Variants in CNTNAP5 observed in about 807,000 individuals in gnomAD.
The protein encoded by CNTNAP5 is contactin-associated protein-like 5.
In CNTNAP5, 72 loss-of-function variants were observed where a neutral mutation model predicts 150.2. The observed-to-expected ratio is 0.48, with a 90% confidence interval of 0.40 to 0.58. The LOEUF is 0.58. Among genes scored for constraint, CNTNAP5 ranks in the 20% least tolerant of loss-of-function variants. The probability of loss-of-function intolerance (pLI) is 0.00; values close to 1 mark genes in which losing one functional copy is unlikely to be tolerated. For missense variants in CNTNAP5, 1,636 were observed against 1,626.2 expected (o/e 1.01, Z -0.10); for synonymous variants, 672 against 619.8 (o/e 1.08, Z -1.25).
intron 19 of CNTNAP5, among the ~76,000 whole-genome samples, chr2:124,802,075 G>A (rs893655764): frequency 2.6e-5 from 4 of 152,142 alleles, no homozygotes; most frequent in African/African-American, 9.7e-5. Flanking sequence ...ACTCTTACAG[G>A]GAGCCCATTT....
At chr2:124,483,053 T>C (rs192305511) in intron 7 of CNTNAP5, among the ~76,000 whole-genome samples, 90 of 152,310 alleles carry the variant, frequency 5.9e-4, no homozygotes, top group African/African-American at 2.2e-3. Context: ...AGCCTTTGCA[T>C]GTTGTGTTTC....
chr2:124,905,051 AAAAAG>A (rs1678503677), intron 22 of CNTNAP5, among the ~76,000 whole-genome samples: 1 of 148,450 alleles, frequency 6.7e-6, no homozygotes, highest in African/African-American at 2.4e-5. Context: ...AAAAAAAAAA[AAAAAG>A]AAAGAAAGAA....
intron 22 of CNTNAP5, among the ~76,000 whole-genome samples, chr2:124,905,116 G>GT (rs144751050): frequency 0.056 from 6,018 of 107,590 alleles, 174 homozygotes; most frequent in African/African-American, 0.086. Context: ...GTTTTTTTTT[G>GT]TTTTTTTTTG....
chr2:124,301,845 G>A (rs920153007), intron 3 of CNTNAP5, among the ~76,000 whole-genome samples: 4 of 152,180 alleles, frequency 2.6e-5, no homozygotes, highest in African/African-American at 9.7e-5. Context: ...ACGGGAAAAT[G>A]TCACTGAAGT....
intron 11 of CNTNAP5, among the ~76,000 whole-genome samples, chr2:124,571,263 G>A (rs1240052780): frequency 6.6e-6 from 1 of 152,112 alleles, no homozygotes; most frequent in Non-Finnish European, 1.5e-5. Context: ...GGGAATATCA[G>A]AATCAGTGGG....
At chr2:124,839,744 C>G (rs1054640037) in intron 19 of CNTNAP5, among the ~76,000 whole-genome samples, 1 of 152,086 alleles carries the variant, frequency 6.6e-6, no homozygotes, top group Non-Finnish European at 1.5e-5. Context: ...TCTGACCCAG[C>G]CCGGCTGTAC....
rs184930899 is a variant in CNTNAP5 at position 124,262,992 on chromosome 2, T to C, written c.381+20599T>C. On this transcript the variant is annotated intron_variant, in intron 3 of 23. Coordinates refer to ENST00000682447, the MANE Select transcript of CNTNAP5 (RefSeq NM_001367498.1). ...AAGGACATGAACTCATCATTTTTTA[T>C]GGCTACATAGTATTCCATGGTGTAT... 1.7e-3 allele frequency among the ~76,000 whole-genome samples: 261 copies of C among 152,270 alleles called. 1 individual carries two copies. The highest frequency in any genetic ancestry group is 5.9e-3 in the African/African-American group (247 of 41,550).
chr2:124,120,180 C>A lies in CNTNAP5; in HGVS notation c.82+94448C>A, dbSNP rs117143524. On this transcript the variant is annotated intron_variant, in intron 1 of 23. Transcript: ENST00000682447. Reference sequence around the variant, plus strand: ...TACGGTATAGGGCTGGAAGTTATGTCTTGTGATAACCATGACTGTAGGTTA... The same window carrying A: ...TACGGTATAGGGCTGGAAGTTATGTATTGTGATAACCATGACTGTAGGTTA... Among the ~76,000 whole-genome samples, 182 of 152,260 alleles carry A rather than the reference C, an allele frequency of 1.2e-3. 4 individuals carry two copies. The East Asian group carries it at 0.03, about 25-fold the overall frequency.
chr2:124,637,381 T>C (rs1238761419), intron 12 of CNTNAP5, among the ~76,000 whole-genome samples: 1 of 152,208 alleles, frequency 6.6e-6, no homozygotes, highest in African/African-American at 2.4e-5. Context: ...TTCTGATTAT[T>C]TAATCAGTGT....
rs1558893996 is a variant in CNTNAP5 at position 124,419,944 on chromosome 2, CTT to C, written c.529+2356_529+2357del. On this transcript the variant is annotated intron_variant, in intron 4 of 23. Transcript: ENST00000682447. ...TCTTTCTTTCTTTCTTTCTTTCTTT[CTT>C]TCTTTCTTTCCTTTTCTCTCTCTCT... 5.3e-3 allele frequency among the ~76,000 whole-genome samples: 623 copies of C among 117,030 alleles called. 8 individuals carry two copies. The highest frequency in any genetic ancestry group is 0.02 in the African/African-American group (580 of 28,414). 76.8% of individuals were successfully genotyped at this position (117,030 alleles called of 152,430 possible).
intron 19 of CNTNAP5, among the ~76,000 whole-genome samples, chr2:124,802,604 T>G (rs916281828): frequency 3.9e-5 from 6 of 152,150 alleles, no homozygotes; most frequent in African/African-American, 1.4e-4. Flanking sequence ...AGAAAGGGTC[T>G]TGAAGACAGG....
chr2:124,808,567 G>A (rs1218603173), intron 19 of CNTNAP5, among the ~76,000 whole-genome samples: 1 of 148,468 alleles, frequency 6.7e-6, no homozygotes, highest in Non-Finnish European at 1.5e-5. Flanking sequence ...CAGCCTGGGT[G>A]ACAGAGAGAG....
chr2:124,665,894 A>G (rs1439599604), intron 13 of CNTNAP5, among the ~76,000 whole-genome samples: 1 of 151,900 alleles, frequency 6.6e-6, no homozygotes, highest in Non-Finnish European at 1.5e-5. Flanking sequence ...TCAAAAAAAA[A>G]AAAAATTATA....
rs1208537385 is a variant in CNTNAP5, at chr2:124,920,449, G to A, written c.*6161G>A. 1.3e-5 allele frequency among the ~76,000 whole-genome samples: 2 copies of A among 152,076 alleles called. No individual in the cohort carries two copies. The highest frequency in any genetic ancestry group is 2.9e-5 in the Non-Finnish European group (2 of 67,994). On this transcript the variant is annotated 3_prime_UTR_variant, in exon 24 of 24. Coordinates refer to ENST00000682447, the MANE Select transcript of CNTNAP5 (RefSeq NM_001367498.1). ...TCACCTAGTCTATTCTCTTTGAAAG[G>A]TAGTATCAACCTGTGTAACCTTGTC...
chr2:124,415,847 G>A (rs935507484), intron 3 of CNTNAP5, among the ~76,000 whole-genome samples: 1 of 151,902 alleles, frequency 6.6e-6, no homozygotes, highest in African/African-American at 2.4e-5. Context: ...TTTTTGCTAC[G>A]TATATTTACT....
chr2:124,332,309 T>A (rs190345957), intron 3 of CNTNAP5, among the ~76,000 whole-genome samples: 80 of 151,586 alleles, frequency 5.3e-4, no homozygotes, highest in African/African-American at 1.9e-3. Flanking sequence ...TTCTCTTGTA[T>A]ATCTTGCACA....
chr2:124,711,352 A>C (rs1236948611), intron 13 of CNTNAP5, among the ~76,000 whole-genome samples: 1 of 152,110 alleles, frequency 6.6e-6, no homozygotes, highest in Non-Finnish European at 1.5e-5. Flanking sequence ...GCACCCACAC[A>C]CACTGTTCCA....
At chr2:124,898,657 C>T (rs1252613738) in intron 21 of CNTNAP5, among the ~76,000 whole-genome samples, 1 of 151,548 alleles carries the variant, frequency 6.6e-6, no homozygotes, top group Non-Finnish European at 1.5e-5. Flanking sequence ...TTGAGTGCTA[C>T]ATTTGTTCAA....
intron 8 of CNTNAP5, among the ~76,000 whole-genome samples, chr2:124,511,928 G>T: frequency 7.0e-6 from 1 of 141,900 alleles, no homozygotes. Flanking sequence ...CCTGAATAGG[G>T]TTTTTTTTTT....
Sources: gnomAD v4.1 joint callset for allele counts (sites outside exome capture counted in the v4.1 genomes callset) on GRCh38, gnomAD v4.1.1 for gene constraint, MANE v1.5 for transcripts, NCBI Gene and HGNC (gene_info 2026-07-23, HGNC 2026-07-21) for gene names.